The following MEGF11 variants were observed in gnomAD, a reference collection of about 807,000 sequenced individuals.
MEGF11 encodes the protein multiple epidermal growth factor-like domains protein 11.
MEGF11 carries 126 observed loss-of-function variants against 146.6 expected under a neutral mutation model. The ratio of observed to expected loss-of-function variants is 0.86; its 90% CI spans 0.74 to 1.00. The LOEUF (loss-of-function observed/expected upper bound fraction) is 1.00. Among genes scored for constraint, MEGF11 ranks in the 50% least tolerant of loss-of-function variants. MEGF11 has a pLI of 0.00. For synonymous variants in MEGF11, 532 were observed against 583.4 expected (o/e 0.91, Z 1.27); for missense variants, 1,509 against 1,521.2 (o/e 0.99, Z 0.13).
At chr15:66,132,703 A>C (rs2088700201) in intron 1 of MEGF11, among the ~76,000 whole-genome samples, 2 of 152,210 alleles carry the variant, frequency 1.3e-5, no homozygotes, top group South Asian at 4.1e-4. Context: ...AACTCTGGGG[A>C]GGGACAACAC....
chr15:66,231,743 G>A (rs1357406078), intron 1 of MEGF11, among the ~76,000 whole-genome samples: 1 of 152,208 alleles, frequency 6.6e-6, no homozygotes, highest in Non-Finnish European at 1.5e-5. Context: ...TGAAGCATAG[G>A]TTTTTCCAGC....
Position 65,916,274 on chromosome 15 carries a change from A to T in MEGF11, c.2218T>A (p.Cys740Ser). The T allele has an allele frequency of 6.4e-7, 1 of 1,554,124 alleles. No individual in the cohort carries two copies. The highest frequency in any genetic ancestry group is 8.7e-7 in the Non-Finnish European group (1 of 1,148,358). The change falls in exon 18 of 26, where the codon TGC (cysteine) becomes AGC (serine). Residue 740 changes from cysteine to serine, a missense_variant and splice_region_variant. Physicochemically the swap from Cys to Ser is moderately radical, Grantham distance 112. Coordinates refer to ENST00000395614, the MANE Select transcript of MEGF11 (RefSeq NM_001385028.1). Reference sequence around the variant, plus strand: ...TCCTTCCCAAAAAATGCTGCTGGGCAGCCTAGAGAAACAGGATTTCCAGTC... The same window carrying T: ...TCCTTCCCAAAAAATGCTGCTGGGCTGCCTAGAGAAACAGGATTTCCAGTC... ...GWTGLFCTQR[C>S]PAAFFGKDCG...
At chr15:66,054,862 G>A (rs1332477793) in intron 5 of MEGF11, among the ~76,000 whole-genome samples, 2 of 152,184 alleles carry the variant, frequency 1.3e-5, no homozygotes, top group Non-Finnish European at 2.9e-5. Context: ...GAAAGAGAGG[G>A]AGGGATAGTA....
chr15:66,144,989 CAA>C (rs1377701771), intron 1 of MEGF11, among the ~76,000 whole-genome samples: 1 of 152,188 alleles, frequency 6.6e-6, no homozygotes, highest in Non-Finnish European at 1.5e-5. Context: ...GAATGAGGCT[CAA>C]AGAGGAGTGA....
chr15:66,076,347 T>TAAA lies in MEGF11; in HGVS notation c.394+18052_394+18054dup, dbSNP rs11348293. 8.9e-3 allele frequency among the ~76,000 whole-genome samples: 1,292 copies of TAAA among 145,522 alleles called. 19 individuals are homozygous for TAAA. Among genetic ancestry groups the TAAA allele is most frequent in the African/African-American group, 0.032 (1,248 of 39,442 alleles). On this transcript the variant is annotated intron_variant, in intron 5 of 25. Coordinates refer to ENST00000395614, the MANE Select transcript of MEGF11 (RefSeq NM_001385028.1). ...TCTGTCATGTTACTAAAGATCTTTG[T>TAAA]AAAAAAAAAAAAAAATACCAAGTGG... is the stretch of plus-strand genomic sequence containing the variant.
intron 1 of MEGF11, among the ~76,000 whole-genome samples, chr15:66,220,949 C>T (rs1022355125): frequency 6.6e-6 from 1 of 151,976 alleles, no homozygotes; most frequent in African/African-American, 2.4e-5. Context: ...AAAGTGAGTG[C>T]ATGTAAAAAC....
chr15:65,938,941 A>T (rs969483262), intron 10 of MEGF11, among the ~76,000 whole-genome samples: 1 of 152,242 alleles, frequency 6.6e-6, no homozygotes, highest in South Asian at 2.1e-4. Context: ...GGGAAAATTA[A>T]TCAACAGCTG....
chr15:66,043,719 T>G (rs2084084287), intron 5 of MEGF11, among the ~76,000 whole-genome samples: 1 of 152,224 alleles, frequency 6.6e-6, no homozygotes, highest in South Asian at 2.1e-4. Flanking sequence ...TGTCCCCACA[T>G]GGGACTCTGT....
At chr15:66,180,068 A>G (rs1329206789) in intron 1 of MEGF11, among the ~76,000 whole-genome samples, 2 of 152,172 alleles carry the variant, frequency 1.3e-5, no homozygotes, top group African/African-American at 4.8e-5. Flanking sequence ...AAAAGGAGAG[A>G]GTTCTGACTC....
intron 5 of MEGF11, among the ~76,000 whole-genome samples, chr15:65,992,814 C>T (rs184090170): frequency 1.6e-4 from 25 of 152,268 alleles, no homozygotes; most frequent in Admixed American, 1.4e-3. Flanking sequence ...CTATAGTTAT[C>T]CCCCTTCACA....
At chr15:65,929,025 A>G (rs2079476118) in intron 12 of MEGF11, among the ~76,000 whole-genome samples, 1 of 152,224 alleles carries the variant, frequency 6.6e-6, no homozygotes, top group Non-Finnish European at 1.5e-5. Context: ...TAATCCTCAC[A>G]GCAATTCCAT....
intron 5 of MEGF11, among the ~76,000 whole-genome samples, chr15:66,047,890 T>C (rs1474900153): frequency 6.6e-6 from 1 of 151,474 alleles, no homozygotes; most frequent in Non-Finnish European, 1.5e-5. Flanking sequence ...GGTGTCACAC[T>C]GGGCCTCGGG....
At chr15:66,124,148 C>T in intron 2 of MEGF11, 148 bp from the exon 3 acceptor site, 1 of 654,984 alleles carries the variant, frequency 1.5e-6, no homozygotes, top group Non-Finnish European at 2.7e-6. Context: ...AACTATCCTC[C>T]CCCTGCCCTG....
intron 1 of MEGF11, among the ~76,000 whole-genome samples, chr15:66,196,517 C>T (rs1868458320): frequency 6.6e-6 from 1 of 152,006 alleles, no homozygotes; most frequent in East Asian, 1.9e-4. Context: ...GGATATTATC[C>T]TAAGTGTGAC....
intron 9 of MEGF11, among the ~76,000 whole-genome samples, chr15:65,959,326 C>T (rs189762892): frequency 9.5e-4 from 144 of 152,218 alleles, no homozygotes; most frequent in African/African-American, 3.3e-3. Context: ...TCTAGGGACC[C>T]TGGTTTTCTC....
intron 1 of MEGF11, among the ~76,000 whole-genome samples, chr15:66,163,091 G>T (rs757510474): frequency 7.2e-5 from 11 of 152,138 alleles, no homozygotes; most frequent in Non-Finnish European, 1.5e-4. Flanking sequence ...AGACCCAGAT[G>T]CTGAGGCCTG....
Position 66,094,431 on chromosome 15 carries a change from G to A in MEGF11, c.365C>T (p.Pro122Leu). Residue 122 changes from proline to leucine, a missense_variant, in exon 5 of 26, where the codon CCT (proline) becomes CTT (leucine). By Grantham distance (98) the Pro-to-Leu change is moderately conservative. Transcript: ENST00000395614. Reference sequence around the variant, plus strand: ...GGAGCAGTCGGGCCCTCCCCAGCCAGGCTCGCAGTGGCAGGTGTCCGGGGA... The same window carrying A: ...GGAGCAGTCGGGCCCTCCCCAGCCAAGCTCGCAGTGGCAGGTGTCCGGGGA... ...CVSPDTCHCE[P>L]GWGGPDCSSG... 5 of 1,563,140 alleles carry A rather than the reference G, an allele frequency of 3.2e-6. No individual in the cohort carries two copies. The highest frequency in any genetic ancestry group is 4.3e-6 in the Non-Finnish European group (5 of 1,152,998).
At chr15:66,243,918 G>A (rs2092256152) in intron 1 of MEGF11, among the ~76,000 whole-genome samples, 1 of 152,080 alleles carries the variant, frequency 6.6e-6, no homozygotes, top group Non-Finnish European at 1.5e-5. Context: ...CCTACCTCAG[G>A]AAGCATGGCC....
intron 1 of MEGF11, among the ~76,000 whole-genome samples, chr15:66,149,926 A>G (rs2089501725): frequency 6.6e-6 from 1 of 152,228 alleles, no homozygotes; most frequent in Admixed American, 6.5e-5. Flanking sequence ...CAGAAGCAGC[A>G]AGTGGCCTTG....
Sources: allele counts gnomAD v4.1 joint callset (sites outside exome capture counted in the v4.1 genomes callset), GRCh38; gene constraint gnomAD v4.1.1; transcripts MANE v1.5; gene names NCBI Gene and HGNC (gene_info 2026-07-23, HGNC 2026-07-21).